Variants in NCOA2 observed in about 807,000 individuals in gnomAD.
NCOA2 encodes nuclear receptor coactivator 2, also known as class E basic helix-loop-helix protein 75.
Under a neutral mutation model 145.1 loss-of-function variants are expected in NCOA2, and 21 were observed. The observed-to-expected ratio is 0.14, with a 90% confidence interval of 0.10 to 0.21. The LOEUF (loss-of-function observed/expected upper bound fraction) is 0.21. Among genes scored for constraint, NCOA2 ranks in the 10% least tolerant of loss-of-function variants. NCOA2 has a pLI of 1.00. For synonymous variants in NCOA2, 619 were observed against 637.5 expected, an observed-to-expected ratio of 0.97 and a Z score of 0.44; for missense variants, 1,472 against 1,837.6, an observed-to-expected ratio of 0.80 and a Z score of 3.64.
At chr8:70,113,706 G>A in intron 22 of NCOA2, 63 bp from the exon 23 acceptor site, 1 of 1,465,940 alleles carries the variant, frequency 6.8e-7, no homozygotes, top group South Asian at 1.2e-5. Context: ...ACATCATAAA[G>A]CCCACCACAA....
the NCOA2 span, chr8:70,424,514 A>G: frequency 1.1e-5 from 6 of 530,626 alleles, no homozygotes; most frequent in African/African-American, 7.7e-5. Flanking sequence ...TTCTGCCAAC[A>G]TGGATGTTGG....
chr8:70,112,141 T>G lies in NCOA2; in HGVS notation c.*1491A>C, dbSNP rs576172804. ...AGAATTGGTTCCTACAGCGGCTGCA[T>G]ATCATATAGATTAGATAAATGACTT... On this transcript the variant is annotated 3_prime_UTR_variant, in exon 23 of 23. Coordinates refer to ENST00000452400, the MANE Select transcript of NCOA2 (RefSeq NM_006540.4). 1 of 204,816 alleles carries G rather than the reference T, an allele frequency of 4.9e-6. No individual in the cohort carries two copies. Among genetic ancestry groups the G allele is most frequent in the Non-Finnish European group, 1.0e-5 (1 of 99,942 alleles). The allele number at this position is 204,816 out of a possible 1,614,324, so 12.7% of individuals were successfully genotyped here. A position where few individuals can be genotyped will look rare whatever the true frequency, so the allele number is the denominator to read the frequency against.
In NCOA2 at chr8:70,162,415, C is replaced by T. The variant is rs181995691; in HGVS notation, c.976+296G>A. Among the ~76,000 whole-genome samples, 274 of 152,338 alleles carry T rather than the reference C, an allele frequency of 1.8e-3. 1 individual carries two copies. The highest frequency in any genetic ancestry group is 6.4e-3 in the African/African-American group (266 of 41,570). ...TAACTGAATCGTTAATATTTCTTTT[C>T]ATTAGATGGTACTTATAATCTTGTC... On this transcript the variant is annotated intron_variant, in intron 9 of 22. Coordinates refer to ENST00000452400, the MANE Select transcript of NCOA2 (RefSeq NM_006540.4).
intron 2 of NCOA2, among the ~76,000 whole-genome samples, chr8:70,260,712 T>A (rs764838174): frequency 2.0e-4 from 31 of 152,236 alleles, no homozygotes; most frequent in Non-Finnish European, 3.5e-4. Context: ...TTAAAGATAC[T>A]AAGGCTGTCA....
At chr8:70,436,084 G>GA in the NCOA2 span, among the ~76,000 whole-genome samples, 2 of 151,558 alleles carry the variant, frequency 1.3e-5, no homozygotes, top group Admixed American at 6.6e-5. Flanking sequence ...ATTTTTAAAG[G>GA]AAAAAAAGTA....
At chr8:70,159,680 ACGTTT>A (rs1585891607) in intron 9 of NCOA2, 28 bp from the exon 10 acceptor site, 5 of 1,590,050 alleles carry the variant, frequency 3.1e-6, no homozygotes, top group Non-Finnish European at 3.4e-6. Context: ...AACAGAAGGC[ACGTTT>A]AGAAAAAAAA....
At chr8:70,162,169 A>G (rs1813098954) in intron 9 of NCOA2, among the ~76,000 whole-genome samples, 1 of 152,206 alleles carries the variant, frequency 6.6e-6, no homozygotes, top group African/African-American at 2.4e-5. Context: ...CAGGTGCTCA[A>G]TAAGGGCTGC....
intron 2 of NCOA2, among the ~76,000 whole-genome samples, chr8:70,259,368 A>C (rs1205414953): frequency 6.6e-6 from 1 of 152,218 alleles, no homozygotes; most frequent in Non-Finnish European, 1.5e-5. Flanking sequence ...TTTTGCCCTA[A>C]GTATATTATA....
At chr8:70,155,575 A>G (rs1563535155) in intron 11 of NCOA2, among the ~76,000 whole-genome samples, 1 of 152,134 alleles carries the variant, frequency 6.6e-6, no homozygotes, top group Non-Finnish European at 1.5e-5. Flanking sequence ...ATTTTGTGAC[A>G]CATGATAATT....
At chr8:70,297,569 G>A (rs1266274243) in intron 1 of NCOA2, among the ~76,000 whole-genome samples, 1 of 152,228 alleles carries the variant, frequency 6.6e-6, no homozygotes, top group African/African-American at 2.4e-5. Context: ...CTAGCCTCAA[G>A]TGACCTTCCT....
chr8:70,390,044 T>C (rs1351095901), intron 1 of NCOA2, among the ~76,000 whole-genome samples: 1 of 152,242 alleles, frequency 6.6e-6, no homozygotes, highest in Non-Finnish European at 1.5e-5. Context: ...CACCTTAAAA[T>C]TGCCCAGATT....
chr8:70,170,137 G>T, intron 6 of NCOA2, 65 bp downstream of exon 6: 2 of 1,445,046 alleles, frequency 1.4e-6, no homozygotes, highest in Non-Finnish European at 1.9e-6. Context: ...CCAAGACACT[G>T]TGTGTATGAG....
chr8:70,193,495 A>T (rs865800237), intron 4 of NCOA2, among the ~76,000 whole-genome samples: 27 of 152,234 alleles, frequency 1.8e-4, no homozygotes, highest in Non-Finnish European at 2.9e-4. Context: ...AATATGTAAC[A>T]ACTTCTGATC....
rs182402420 is a variant in NCOA2, at chr8:70,252,956, A to G, written c.-19-36192T>C. Among the ~76,000 whole-genome samples, 11 of 152,332 alleles carry G rather than the reference A, an allele frequency of 7.2e-5. No individual in the cohort carries two copies. The East Asian group carries it at 2.1e-3, about 29-fold the overall frequency. On this transcript the variant is annotated intron_variant, in intron 2 of 22. Transcript: ENST00000452400. ...AAGACTGCATCTCTCACAGCATATC[A>G]CTGCTTCTTAGCACCTTCAGCCTGT... is the stretch of plus-strand genomic sequence containing the variant.
intron 2 of NCOA2, among the ~76,000 whole-genome samples, chr8:70,250,102 T>C (rs1443398312): frequency 6.6e-6 from 1 of 150,654 alleles, no homozygotes; most frequent in Non-Finnish European, 1.5e-5. Context: ...TTTAAAAACA[T>C]GGCAAAGACC....
At chr8:70,314,146 C>T (rs976999023) in intron 1 of NCOA2, among the ~76,000 whole-genome samples, 3 of 130,664 alleles carry the variant, frequency 2.3e-5, no homozygotes, top group African/African-American at 8.8e-5. Flanking sequence ...CGCCACTGCA[C>T]TCCAGCCTGG....
chr8:70,395,669 G>A (rs1259121268), intron 1 of NCOA2, among the ~76,000 whole-genome samples: 1 of 152,092 alleles, frequency 6.6e-6, no homozygotes, highest in Non-Finnish European at 1.5e-5. Context: ...AAAGACAAGG[G>A]AAATTGTTTC....
intron 1 of NCOA2, among the ~76,000 whole-genome samples, chr8:70,364,753 A>C (rs1371111968): frequency 6.6e-6 from 1 of 151,954 alleles, no homozygotes; most frequent in Admixed American, 6.6e-5. Flanking sequence ...AAAAAAAAAA[A>C]AAAAACTAGC....
intron 2 of NCOA2, among the ~76,000 whole-genome samples, chr8:70,226,751 T>C (rs1274777552): frequency 6.6e-6 from 1 of 151,586 alleles, no homozygotes; most frequent in African/African-American, 2.4e-5. Context: ...GACAGATACT[T>C]AGATATTTTA....
Sources: gnomAD v4.1 joint callset for allele counts (sites outside exome capture counted in the v4.1 genomes callset) on GRCh38, gnomAD v4.1.1 for gene constraint, MANE v1.5 for transcripts, NCBI Gene and HGNC (gene_info 2026-07-23, HGNC 2026-07-21) for gene names.